KIF6: variants seen among roughly 807,000 people sequenced by gnomAD.
The protein encoded by KIF6 is kinesin-like protein KIF6.
KIF6 carries 106 observed loss-of-function variants against 112.7 expected under a neutral mutation model. That is an observed-to-expected ratio of 0.94 (90% CI 0.80 to 1.11). KIF6 has a LOEUF of 1.11. Among genes scored for constraint, KIF6 ranks in the 50% least tolerant of loss-of-function variants. KIF6 has a pLI of 0.00. For synonymous variants in KIF6, 339 were observed against 339.9 expected (o/e 1.00, Z 0.03); for missense variants, 929 against 964.0 (o/e 0.96, Z 0.48).
chr6:39,388,329 C>T (rs1050550715), intron 15 of KIF6, among the ~76,000 whole-genome samples: 3 of 151,550 alleles, frequency 2.0e-5, no homozygotes, highest in Non-Finnish European at 4.4e-5. Context: ...TCTCCACTGC[C>T]CCTGGTTTGG....
intron 6 of KIF6, among the ~76,000 whole-genome samples, chr6:39,604,986 C>T (rs1225898820): frequency 6.6e-6 from 1 of 152,112 alleles, no homozygotes; most frequent in Non-Finnish European, 1.5e-5. Context: ...AAGTCAAACA[C>T]ATTTATATCA....
intron 3 of KIF6, among the ~76,000 whole-genome samples, chr6:39,696,754 T>TTG (rs1004101969): frequency 4.0e-5 from 6 of 151,244 alleles, no homozygotes; most frequent in African/African-American, 7.3e-5. Flanking sequence ...ATCTCAAAGT[T>TTG]TGTGTGTGTG....
rs548497751 is a variant in KIF6 at position 39,357,022 on chromosome 6, G to C, written c.2180+255C>G. Among the ~76,000 whole-genome samples the C allele has an allele frequency of 1.0e-3, 152 of 152,296 alleles. 1 individual carries two copies. The highest frequency in any genetic ancestry group is 1.4e-3 in the Non-Finnish European group (94 of 68,030). On this transcript the variant is annotated intron_variant, in intron 19 of 22. Coordinates refer to ENST00000287152, the MANE Select transcript of KIF6 (RefSeq NM_145027.6). Reference sequence around the variant, plus strand: ...CAGGAGGCAGGACCAGGGCTTGATTGTGAAACCTCTTGTCTCTTGTTACCA... The same window carrying C: ...CAGGAGGCAGGACCAGGGCTTGATTCTGAAACCTCTTGTCTCTTGTTACCA...
At position 39,561,392 on chromosome 6, in the gene KIF6, C is replaced by T. The variant is rs117160497; in HGVS notation, c.1182-15704G>A. Among the ~76,000 whole-genome samples the T allele has an allele frequency of 3.7e-4, 56 of 151,806 alleles. No individual in the cohort carries two copies. The East Asian group carries it at 5.0e-3, about 14-fold the overall frequency. On this transcript the variant is annotated intron_variant, in intron 10 of 22. Transcript: ENST00000287152. Reference sequence around the variant, plus strand: ...TTTGAGATGGAGTCTCACTCTCTCACCCAGGCTGGAGTGCGTTGGTATGAT... The same window carrying T: ...TTTGAGATGGAGTCTCACTCTCTCATCCAGGCTGGAGTGCGTTGGTATGAT...
At chr6:39,521,960 C>T (rs1777424986) in intron 13 of KIF6, among the ~76,000 whole-genome samples, 1 of 152,152 alleles carries the variant, frequency 6.6e-6, no homozygotes, top group Non-Finnish European at 1.5e-5. Flanking sequence ...CTTGCCCCAC[C>T]TCTGTCTCAT....
At chr6:39,338,877 GGA>G (rs1210071955) in intron 22 of KIF6, among the ~76,000 whole-genome samples, 1 of 150,204 alleles carries the variant, frequency 6.7e-6, no homozygotes. Context: ...TAGGGAGCAT[GGA>G]GTCTGAGCCA....
intron 16 of KIF6, among the ~76,000 whole-genome samples, chr6:39,364,233 G>C (rs752798841): frequency 4.6e-5 from 7 of 151,724 alleles, no homozygotes; most frequent in Middle Eastern, 3.2e-3. Flanking sequence ...CTGGGATGTA[G>C]TCCATCCCAG....
intron 13 of KIF6, among the ~76,000 whole-genome samples, chr6:39,494,517 T>C (rs973799547): frequency 1.3e-5 from 2 of 152,190 alleles, no homozygotes; most frequent in African/African-American, 4.8e-5. Flanking sequence ...GAAAGAAATA[T>C]GGAGAATTAC....
At chr6:39,456,974 C>T (rs1432377646) in intron 13 of KIF6, among the ~76,000 whole-genome samples, 10 of 147,038 alleles carry the variant, frequency 6.8e-5, no homozygotes, top group Non-Finnish European at 1.3e-4. Context: ...GACAGAAAGT[C>T]AACAAGGATA....
intron 3 of KIF6, among the ~76,000 whole-genome samples, chr6:39,672,489 T>G (rs1288371691): frequency 6.6e-6 from 1 of 152,256 alleles, no homozygotes; most frequent in Non-Finnish European, 1.5e-5. Context: ...AACAACCCTA[T>G]GAACTTTTCA....
intron 1 of KIF6, among the ~76,000 whole-genome samples, chr6:39,722,235 TAA>T (rs1042604078): frequency 6.6e-6 from 1 of 152,134 alleles, no homozygotes; most frequent in Admixed American, 6.5e-5. Flanking sequence ...CATCCATTTT[TAA>T]AAAGTCTATA....
At chr6:39,687,161 G>C (rs1236057292) in intron 3 of KIF6, among the ~76,000 whole-genome samples, 1 of 152,158 alleles carries the variant, frequency 6.6e-6, no homozygotes, top group Non-Finnish European at 1.5e-5. Flanking sequence ...TTACACCACA[G>C]ATGAATATGG....
chr6:39,627,213 C>T (rs149801210), intron 5 of KIF6, among the ~76,000 whole-genome samples: 4 of 152,240 alleles, frequency 2.6e-5, no homozygotes, highest in South Asian at 2.1e-4. Flanking sequence ...AGCCACACTC[C>T]GCTGCCCCAA....
chr6:39,621,412 C>T (rs1421428716), intron 5 of KIF6, among the ~76,000 whole-genome samples: 1 of 152,174 alleles, frequency 6.6e-6, no homozygotes, highest in Non-Finnish European at 1.5e-5. Context: ...AATGGACAAA[C>T]CTGGGCTGAG....
At chr6:39,493,174 A>T (rs1355059356) in intron 13 of KIF6, among the ~76,000 whole-genome samples, 1 of 152,198 alleles carries the variant, frequency 6.6e-6, no homozygotes, top group Non-Finnish European at 1.5e-5. Flanking sequence ...AACACTGTCA[A>T]TCCTGAATGA....
At chr6:39,362,809 A>C (rs1451807827) in intron 16 of KIF6, among the ~76,000 whole-genome samples, 1 of 152,114 alleles carries the variant, frequency 6.6e-6, no homozygotes, top group Admixed American at 6.5e-5. Context: ...TTTCCTGTTG[A>C]GTTTCCAGGG....
intron 16 of KIF6, among the ~76,000 whole-genome samples, chr6:39,379,655 GGAA>G (rs1264511865): frequency 6.6e-6 from 1 of 152,178 alleles, no homozygotes; most frequent in Non-Finnish European, 1.5e-5. Flanking sequence ...GACAGTGAAT[GGAA>G]GAATGTAGGT....
intron 15 of KIF6, among the ~76,000 whole-genome samples, chr6:39,401,913 G>A (rs1768736974): frequency 6.6e-6 from 1 of 152,164 alleles, no homozygotes; most frequent in Admixed American, 6.5e-5. Context: ...AAGAGGCAGA[G>A]GAAATGAAAC....
chr6:39,408,075 A>G (rs906803744), intron 15 of KIF6, among the ~76,000 whole-genome samples: 6 of 152,348 alleles, frequency 3.9e-5, no homozygotes, highest in Middle Eastern at 3.4e-3. Flanking sequence ...ACTCAGAAAG[A>G]GAAATTCAAC....
Sources: gnomAD v4.1 joint callset for allele counts (sites outside exome capture counted in the v4.1 genomes callset) on GRCh38, gnomAD v4.1.1 for gene constraint, MANE v1.5 for transcripts, NCBI Gene and HGNC (gene_info 2026-07-23, HGNC 2026-07-21) for gene names.